Variants in TANGO6 observed in about 807,000 individuals in gnomAD.
TANGO6 encodes the protein transport and golgi organization 6 homolog.
Under a neutral mutation model 114.2 loss-of-function variants are expected in TANGO6, and 90 were observed. That is an observed-to-expected ratio of 0.79 (90% CI 0.66 to 0.94). The LOEUF is 0.94. TANGO6 is among the 40% of genes least tolerant of loss of function. TANGO6 has a pLI of 0.00. For missense variants in TANGO6, 1,274 were observed against 1,315.3 expected, an observed-to-expected ratio of 0.97 and a Z score of 0.49; for synonymous variants, 477 against 509.8, an observed-to-expected ratio of 0.94 and a Z score of 0.87.
At chr16:68,844,776 A>G (rs924104735) in intron 1 of TANGO6, among the ~76,000 whole-genome samples, 2 of 152,138 alleles carry the variant, frequency 1.3e-5, no homozygotes, top group Admixed American at 6.5e-5. Flanking sequence ...TTCAATTTTT[A>G]CGGATGAAGG....
rs562943316 is a variant in TANGO6, at chr16:68,957,154, TATGCATGC to T, written c.2702-16862_2702-16855del. On this transcript the variant is annotated intron_variant, in intron 14 of 17. Coordinates refer to ENST00000261778, the MANE Select transcript of TANGO6 (RefSeq NM_024562.2). Reference sequence around the variant, plus strand: ...ATATTTTATTGCGGTTTTATGTGTGTATGCATGCATGCATGCATGTATAGCAACATAAA... The same window carrying T: ...ATATTTTATTGCGGTTTTATGTGTGTATGCATGCATGTATAGCAACATAAA... 1.4e-4 allele frequency among the ~76,000 whole-genome samples: 21 copies of T among 152,090 alleles called. No individual in the cohort carries two copies. In the East Asian group the frequency reaches 3.1e-3, roughly 22 times the overall value.
chr16:68,852,500 A>G (rs1373869308), intron 1 of TANGO6, among the ~76,000 whole-genome samples: 1 of 152,104 alleles, frequency 6.6e-6, no homozygotes, highest in Non-Finnish European at 1.5e-5. Flanking sequence ...GTCCATATAT[A>G]TTTTCAAAAT....
chr16:68,912,454 T>C (rs1049299961), intron 11 of TANGO6, among the ~76,000 whole-genome samples: 1 of 150,462 alleles, frequency 6.6e-6, no homozygotes, highest in Non-Finnish European at 1.5e-5. Flanking sequence ...GCCAACATGG[T>C]GAAATCCCAT....
Position 69,027,414 on chromosome 16 carries a change from T to C in TANGO6, c.2994+4435T>C, listed in dbSNP as rs573591470. Among the ~76,000 whole-genome samples the C allele has an allele frequency of 9.8e-5, 15 of 152,310 alleles. No individual in the cohort carries two copies. In the South Asian group the frequency reaches 2.9e-3, roughly 29 times the overall value. On this transcript the variant is annotated intron_variant, in intron 16 of 17. Coordinates refer to ENST00000261778, the MANE Select transcript of TANGO6 (RefSeq NM_024562.2). Reference sequence around the variant, plus strand: ...CTGAGGGATCACCAGGGACAGCCTGTTCCTCAGTTTTTGTATCTTCTTTTT... The same window carrying C: ...CTGAGGGATCACCAGGGACAGCCTGCTCCTCAGTTTTTGTATCTTCTTTTT...
intron 15 of TANGO6, among the ~76,000 whole-genome samples, chr16:69,020,900 ATGTATGTGTGTG>A (rs3980015): frequency 0.35 from 43,688 of 126,330 alleles, 7,475 homozygotes; most frequent in South Asian, 0.46. Context: ...TTATATATGT[ATGTATGTGTGTG>A]TGTGTGTGTG....
intron 4 of TANGO6, among the ~76,000 whole-genome samples, chr16:68,870,916 G>C (rs1446476171): frequency 6.6e-6 from 1 of 151,192 alleles, no homozygotes. Flanking sequence ...AAGTAGCTGG[G>C]ATTACAGGTG....
intron 15 of TANGO6, among the ~76,000 whole-genome samples, chr16:68,998,495 G>C (rs1964012590): frequency 6.6e-6 from 1 of 152,120 alleles, no homozygotes; most frequent in Admixed American, 6.6e-5. Context: ...GCTTTGGGAG[G>C]CTGAGGCGGG....
chr16:68,987,812 AG>A (rs1963910719), intron 15 of TANGO6, among the ~76,000 whole-genome samples: 1 of 152,212 alleles, frequency 6.6e-6, no homozygotes, highest in Non-Finnish European at 1.5e-5. Flanking sequence ...GGATGAAGAA[AG>A]TCCTTTGATA....
At chr16:69,059,662 G>C (rs972583595) in intron 17 of TANGO6, among the ~76,000 whole-genome samples, 3 of 151,910 alleles carry the variant, frequency 2.0e-5, no homozygotes, top group Non-Finnish European at 2.9e-5. Context: ...TGGGACTACA[G>C]GTGCACAACC....
intron 15 of TANGO6, among the ~76,000 whole-genome samples, chr16:68,980,382 A>AC (rs1963813444): frequency 6.0e-5 from 2 of 33,296 alleles, no homozygotes; most frequent in South Asian, 9.0e-4. Flanking sequence ...TCTGTCTGTC[A>AC]TTCTCTCTCT....
At chr16:68,930,563 AT>A (rs1963226207) in intron 14 of TANGO6, among the ~76,000 whole-genome samples, 1 of 151,900 alleles carries the variant, frequency 6.6e-6, no homozygotes, top group South Asian at 2.1e-4. Context: ...ATTTCCTCTA[AT>A]TCAAGGAGGT....
chr16:68,859,038 C>G (rs1962044364), intron 1 of TANGO6, among the ~76,000 whole-genome samples: 1 of 152,064 alleles, frequency 6.6e-6, no homozygotes, highest in South Asian at 2.1e-4. Flanking sequence ...AAATAGATAT[C>G]TGTTGAAAAT....
intron 5 of TANGO6, among the ~76,000 whole-genome samples, chr16:68,876,590 G>A (rs1424851704): frequency 6.6e-6 from 1 of 151,842 alleles, no homozygotes; most frequent in Admixed American, 6.6e-5. Flanking sequence ...GGAGGCTGAG[G>A]TGGGCAGATT....
chr16:68,856,200 T>G (rs531278357), intron 1 of TANGO6, among the ~76,000 whole-genome samples: 136 of 152,348 alleles, frequency 8.9e-4, no homozygotes, highest in Non-Finnish European at 1.6e-3. Context: ...CTGTGTTTAT[T>G]TTACTTCACC....
intron 17 of TANGO6, among the ~76,000 whole-genome samples, chr16:69,050,615 G>C (rs1210208756): frequency 3.3e-5 from 5 of 151,732 alleles, no homozygotes; most frequent in Non-Finnish European, 7.4e-5. Context: ...CCAGCCTCTT[G>C]AGTAGCTGGG....
At chr16:68,848,783 A>G (rs1419727282) in intron 1 of TANGO6, among the ~76,000 whole-genome samples, 1 of 152,062 alleles carries the variant, frequency 6.6e-6, no homozygotes, top group African/African-American at 2.4e-5. Flanking sequence ...TGAATCATAG[A>G]TTTTATGTAT....
chr16:69,047,906 A>T (rs1044588284), intron 17 of TANGO6, among the ~76,000 whole-genome samples: 8 of 152,256 alleles, frequency 5.3e-5, no homozygotes, highest in African/African-American at 1.9e-4. Context: ...TCTTCCTTGT[A>T]ATCCCTAATT....
At chr16:69,041,018 A>C (rs1959765032) in intron 17 of TANGO6, among the ~76,000 whole-genome samples, 1 of 152,066 alleles carries the variant, frequency 6.6e-6, no homozygotes, top group Admixed American at 6.6e-5. Flanking sequence ...TTTCGTCTTG[A>C]TTTTAATGGA....
rs1962902322 is a variant in TANGO6, at chr16:68,910,061, A to C, written c.1992+659A>C. Among the ~76,000 whole-genome samples the C allele has an allele frequency of 2.0e-5, 3 of 152,234 alleles. No individual in the cohort carries two copies. In the South Asian group the frequency reaches 6.2e-4, roughly 31 times the overall value. ...AAAAAGATAGGAAATAAAAGTAATA[A>C]AGCAAAGGCAGTACAGTTGCCAGAT... On this transcript the variant is annotated intron_variant, in intron 11 of 17. Transcript: ENST00000261778.
Sources: allele counts gnomAD v4.1 joint callset (sites outside exome capture counted in the v4.1 genomes callset), GRCh38; gene constraint gnomAD v4.1.1; transcripts MANE v1.5; gene names NCBI Gene and HGNC (gene_info 2026-07-23, HGNC 2026-07-21).